Variants in RARS2 observed in about 807,000 individuals in gnomAD.
The protein encoded by RARS2 is arginyl-tRNA synthetase 2, mitochondrial.
In RARS2, 67 loss-of-function variants were observed where a neutral mutation model predicts 88.5. That is an observed-to-expected ratio of 0.76 (90% CI 0.62 to 0.93). The LOEUF (loss-of-function observed/expected upper bound fraction) is 0.93. Among genes scored for constraint, RARS2 ranks in the 40% least tolerant of loss-of-function variants. The pLI is 0.00. For synonymous variants in RARS2, 239 were observed against 230.3 expected (o/e 1.04, Z -0.34); for missense variants, 664 against 684.2 (o/e 0.97, Z 0.33).
chr6:87,571,033 G>T (rs142484117), intron 1 of RARS2, among the ~76,000 whole-genome samples: 76 of 152,258 alleles, frequency 5.0e-4, no homozygotes, highest in African/African-American at 1.7e-3. Context: ...TCTAAAAACA[G>T]AACCTATACT....
At chr6:87,532,146 TG>T (rs1777723575) in intron 8 of RARS2, among the ~76,000 whole-genome samples, 1 of 152,226 alleles carries the variant, frequency 6.6e-6, no homozygotes, top group Non-Finnish European at 1.5e-5. Context: ...CTTTCATAGA[TG>T]ATCTATGTTA....
At chr6:87,581,064 C>T (rs1363147158) in intron 1 of RARS2, among the ~76,000 whole-genome samples, 1 of 152,072 alleles carries the variant, frequency 6.6e-6, no homozygotes, top group Admixed American at 6.6e-5. Context: ...TTTTCTGATA[C>T]AATGGCAAAT....
chr6:87,524,816 A>T (rs1775132044), intron 10 of RARS2, among the ~76,000 whole-genome samples, 164 bp from the exon 11 acceptor site: 1 of 152,184 alleles, frequency 6.6e-6, no homozygotes, highest in South Asian at 2.1e-4. Flanking sequence ...CAAGAATATG[A>T]CCAAGAATCT....
chr6:87,544,775 G>T (rs1414504782), intron 7 of RARS2, among the ~76,000 whole-genome samples: 1 of 148,300 alleles, frequency 6.7e-6, no homozygotes, highest in Non-Finnish European at 1.5e-5. Flanking sequence ...TAACTGTTTG[G>T]ATCGCACTCC....
chr6:87,542,853 T>C (rs769483241), intron 7 of RARS2, among the ~76,000 whole-genome samples: 2 of 151,028 alleles, frequency 1.3e-5, no homozygotes, highest in Non-Finnish European at 3.0e-5. Flanking sequence ...TTAGGAGATA[T>C]ACCTAATGTT....
At chr6:87,589,823 A>G in intron 1 of RARS2, 99 bp downstream of exon 1, 1 of 1,613,074 alleles carries the variant, frequency 6.2e-7, no homozygotes. Context: ...ATTCCGTGGG[A>G]CCCACCCTCC....
intron 1 of RARS2, among the ~76,000 whole-genome samples, chr6:87,572,903 A>C (rs4464759): frequency 0.61 from 92,485 of 151,978 alleles, 28,966 homozygotes; most frequent in African/African-American, 0.75. Context: ...CATGTTTTAC[A>C]CCTAGTAATA....
intron 4 of RARS2, among the ~76,000 whole-genome samples, chr6:87,557,364 T>C (rs1347199127): frequency 6.6e-6 from 1 of 152,180 alleles, no homozygotes; most frequent in Admixed American, 6.5e-5. Flanking sequence ...TCCAAGAATA[T>C]ATATGACAAG....
intron 8 of RARS2, among the ~76,000 whole-genome samples, chr6:87,534,366 CTT>C (rs762024286): frequency 1.3e-5 from 2 of 152,134 alleles, no homozygotes; most frequent in Non-Finnish European, 2.9e-5. Context: ...GAATCTCCTA[CTT>C]TTACTCTATG....
intron 1 of RARS2, among the ~76,000 whole-genome samples, chr6:87,574,122 ACTTTC>A (rs1186695586): frequency 6.6e-6 from 1 of 152,202 alleles, no homozygotes; most frequent in African/African-American, 2.4e-5. Flanking sequence ...GAATTCCAGC[ACTTTC>A]CAGCAAAAGT....
chr6:87,533,836 C>A (rs935718932), intron 8 of RARS2, among the ~76,000 whole-genome samples: 1 of 152,150 alleles, frequency 6.6e-6, no homozygotes, highest in African/African-American at 2.4e-5. Flanking sequence ...TTTCTTATCC[C>A]TTTAAATTTG....
intron 1 of RARS2, among the ~76,000 whole-genome samples, chr6:87,580,975 A>G (rs1230657789): frequency 6.6e-6 from 1 of 152,182 alleles, no homozygotes; most frequent in Non-Finnish European, 1.5e-5. Flanking sequence ...ATTCTAATAT[A>G]ATAGAATCTT....
chr6:87,557,344 G>A (rs747781987), intron 4 of RARS2, among the ~76,000 whole-genome samples: 1 of 152,194 alleles, frequency 6.6e-6, no homozygotes, highest in Non-Finnish European at 1.5e-5. Flanking sequence ...TAGGGTCCCA[G>A]TATTATTAGT....
At chr6:87,585,464 C>T (rs1774854129) in intron 1 of RARS2, among the ~76,000 whole-genome samples, 1 of 152,222 alleles carries the variant, frequency 6.6e-6, no homozygotes, top group African/African-American at 2.4e-5. Flanking sequence ...GGCGCGGTGG[C>T]TCACGCCTGT....
At chr6:87,558,590 G>A (rs1786764430) in intron 4 of RARS2, among the ~76,000 whole-genome samples, 1 of 152,202 alleles carries the variant, frequency 6.6e-6, no homozygotes, top group African/African-American at 2.4e-5. Flanking sequence ...GTCCCATTAA[G>A]ACTATAATGG....
intron 10 of RARS2, among the ~76,000 whole-genome samples, chr6:87,529,104 C>T (rs1776647560): frequency 6.6e-6 from 1 of 152,006 alleles, no homozygotes; most frequent in African/African-American, 2.4e-5. Flanking sequence ...TTTTCCTGCC[C>T]CTACTTCCTG....
At chr6:87,520,319 G>T in intron 12 of RARS2, 63 bp from the exon 13 acceptor site, 1 of 1,299,948 alleles carries the variant, frequency 7.7e-7, no homozygotes, top group Non-Finnish European at 1.1e-6. Flanking sequence ...AAAATAGGTT[G>T]GACTTGAATC....
intron 8 of RARS2, among the ~76,000 whole-genome samples, chr6:87,540,947 A>T (rs1780743730): frequency 1.3e-5 from 2 of 152,208 alleles, no homozygotes; most frequent in African/African-American, 4.8e-5. Flanking sequence ...CACCAGAAAA[A>T]GAACAAAAAT....
intron 11 of RARS2, among the ~76,000 whole-genome samples, chr6:87,522,191 G>C (rs1414479672): frequency 6.6e-6 from 1 of 151,998 alleles, no homozygotes. Context: ...TTAGCTGGGC[G>C]TGGTGGCGCA....
Sources: allele counts gnomAD v4.1 joint callset (sites outside exome capture counted in the v4.1 genomes callset), GRCh38; gene constraint gnomAD v4.1.1; transcripts MANE v1.5; gene names NCBI Gene and HGNC (gene_info 2026-07-23, HGNC 2026-07-21).